Variants in PCYOX1 observed in about 807,000 individuals in gnomAD.
PCYOX1 encodes the protein prenylcysteine oxidase 1.
Under a neutral mutation model 46.4 loss-of-function variants are expected in PCYOX1, and 46 were observed. That is an observed-to-expected ratio of 0.99 (90% CI 0.78 to 1.27). PCYOX1 has a LOEUF of 1.27. PCYOX1 is among the 50% of genes most tolerant of loss of function. The pLI, the probability that PCYOX1 is intolerant of heterozygous loss-of-function variation, is 0.00. For missense variants in PCYOX1, 658 were observed against 628.3 expected (o/e 1.05, Z -0.51); for synonymous variants, 220 against 231.8 (o/e 0.95, Z 0.46).
intron 3 of PCYOX1, among the ~76,000 whole-genome samples, chr2:70,274,596 C>A (rs1237817397): frequency 7.0e-6 from 1 of 142,232 alleles, no homozygotes; most frequent in Admixed American, 7.3e-5. Flanking sequence ...GACACTGTCA[C>A]TGTCTGGCCC....
intron 3 of PCYOX1, among the ~76,000 whole-genome samples, chr2:70,265,007 A>G (rs1696492161): frequency 6.6e-6 from 1 of 151,964 alleles, no homozygotes. Flanking sequence ...ACAGTAGTAA[A>G]CCATGACACT....
intron 2 of PCYOX1, 150 bp downstream of exon 2, chr2:70,259,716 T>A: frequency 1.5e-6 from 1 of 648,112 alleles, no homozygotes; most frequent in South Asian, 1.8e-5. Flanking sequence ...TAGTTGGTAC[T>A]GCCTGAGTTA....
In PCYOX1 at chr2:70,258,260, T is replaced by A. The variant is rs1337055401; in HGVS notation, c.96T>A (p.Ala32=). Reference sequence around the variant, plus strand: ...GCCCCGAGGGCGCCGAGCTGCGTGCTCCGCCAGATAAAATCGGTAGGCGAG... The same window carrying A: ...GCCCCGAGGGCGCCGAGCTGCGTGCACCGCCAGATAAAATCGGTAGGCGAG... ...CGCPEGAELR[A]PPDKIAIIGA... is the part of the protein sequence containing the mutation. The change falls in exon 1 of 6, where the codon GCT becomes GCA. Residue 32 remains alanine (A), a synonymous_variant. Coordinates refer to ENST00000433351, the MANE Select transcript of PCYOX1 (RefSeq NM_016297.4). The A allele has an allele frequency of 1.9e-6, 3 of 1,589,334 alleles. No individual in the cohort carries two copies. The highest frequency in any genetic ancestry group is 2.6e-6 in the Non-Finnish European group (3 of 1,173,852).
At chr2:70,271,126 G>GCAC (rs1696595154) in intron 3 of PCYOX1, among the ~76,000 whole-genome samples, 1 of 151,944 alleles carries the variant, frequency 6.6e-6, no homozygotes, top group South Asian at 2.1e-4. Flanking sequence ...GGAGTGCAGT[G>GCAC]GTGTGATCAC....
In PCYOX1 at chr2:70,277,410, T is replaced by TC. The variant is rs1226196334; in HGVS notation, c.*22dup. 7 of 1,558,558 alleles carry TC rather than the reference T, an allele frequency of 4.5e-6. No individual in the cohort carries two copies. In the African/African-American group the frequency reaches 9.5e-5, roughly 21 times the overall value. On this transcript the variant is annotated 3_prime_UTR_variant, in exon 6 of 6. Coordinates refer to ENST00000433351, the MANE Select transcript of PCYOX1 (RefSeq NM_016297.4). ...AACTATGAAGTGACACACTCCTTTT[T>TC]CCCCTCCTAGTTCCAAATGACTATC...
At chr2:70,274,208 T>C (rs1696636302) in intron 3 of PCYOX1, among the ~76,000 whole-genome samples, 1 of 150,370 alleles carries the variant, frequency 6.7e-6, no homozygotes, top group Non-Finnish European at 1.5e-5. Flanking sequence ...TTTTTTTTTT[T>C]TTTTTTTGAG....
At chr2:70,276,249 A>C (rs1243125208) in intron 5 of PCYOX1, among the ~76,000 whole-genome samples, 6 of 150,444 alleles carry the variant, frequency 4.0e-5, no homozygotes, top group Non-Finnish European at 7.4e-5. Context: ...GGCTCACTGC[A>C]AGCTCCGCCT....
rs141755592 is a variant in PCYOX1, at chr2:70,258,263, G to C, written c.99G>C (p.Pro33=). Residue 33 remains proline, a synonymous_variant, in exon 1 of 6, where the codon CCG becomes CCC. Transcript: ENST00000433351. The part of the protein sequence containing the change: ...GCPEGAELRA[P]PDKIAIIGAG... Reference sequence around the variant, plus strand: ...CCGAGGGCGCCGAGCTGCGTGCTCCGCCAGATAAAATCGGTAGGCGAGAAG... The same window carrying C: ...CCGAGGGCGCCGAGCTGCGTGCTCCCCCAGATAAAATCGGTAGGCGAGAAG... The C allele has an allele frequency of 2.5e-6, 4 of 1,588,028 alleles. No individual in the cohort carries two copies. Among genetic ancestry groups the C allele is most frequent in the Non-Finnish European group, 3.4e-6 (4 of 1,173,302 alleles).
chr2:70,269,916 G>T (rs1261470987), intron 3 of PCYOX1, among the ~76,000 whole-genome samples: 1 of 152,180 alleles, frequency 6.6e-6, no homozygotes, highest in Non-Finnish European at 1.5e-5. Context: ...CTCTCCAGTG[G>T]CTTCTAGCTT....
At chr2:70,276,098 TAAAAAAAAAA>T (rs568163191) in intron 5 of PCYOX1, among the ~76,000 whole-genome samples, 3 of 105,450 alleles carry the variant, frequency 2.8e-5, no homozygotes, top group African/African-American at 8.0e-5. Flanking sequence ...AGACTCCATC[TAAAAAAAAAA>T]AAAAAAAAAA....
chr2:70,257,916 T>C (rs915064840), upstream of PCYOX1: 7 of 355,938 alleles, frequency 2.0e-5, no homozygotes, highest in African/African-American at 1.5e-4. Flanking sequence ...GCTTCTGCCT[T>C]CGATGTCTTC....
In PCYOX1 at chr2:70,278,382, T is replaced by TAGAAGTCGTA. The variant is rs1408769599; in HGVS notation, c.*997_*998insGTAAGAAGTC. On this transcript the variant is annotated 3_prime_UTR_variant, in exon 6 of 6. Coordinates refer to ENST00000433351, the MANE Select transcript of PCYOX1 (RefSeq NM_016297.4). ...ATGCCTACAAAGGGTTTTAGTGCCT[T>TAGAAGTCGTA]AGAAGTCCTAAGAAGCCCAATCTGT... 1 of 152,660 alleles carries TAGAAGTCGTA rather than the reference T, an allele frequency of 6.6e-6. No individual in the cohort carries two copies. Among genetic ancestry groups the TAGAAGTCGTA allele is most frequent in the Non-Finnish European group, 1.5e-5 (1 of 68,056 alleles). The allele number at this position is 152,660 out of a possible 1,614,324, so 9.5% of individuals were successfully genotyped here.
At chr2:70,273,077 C>G (rs1420814730) in intron 3 of PCYOX1, among the ~76,000 whole-genome samples, 1 of 152,196 alleles carries the variant, frequency 6.6e-6, no homozygotes, top group African/African-American at 2.4e-5. Flanking sequence ...ATAGTTTCAT[C>G]TCACCGCTGC....
chr2:70,268,735 G>A (rs972671444), intron 3 of PCYOX1, among the ~76,000 whole-genome samples: 3 of 151,782 alleles, frequency 2.0e-5, no homozygotes, highest in African/African-American at 4.8e-5. Flanking sequence ...GGGCGGCAGA[G>A]GTTGCAGTGA....
chr2:70,261,081 A>G (rs745826834), intron 2 of PCYOX1, 131 bp from the exon 3 acceptor site: 8 of 591,614 alleles, frequency 1.4e-5, no homozygotes, highest in Middle Eastern at 3.1e-4. Context: ...AGTGTTTCAC[A>G]CTGTTCCAAA....
chr2:70,268,377 T>C (rs1376062054), intron 3 of PCYOX1, among the ~76,000 whole-genome samples: 4 of 152,124 alleles, frequency 2.6e-5, no homozygotes, highest in African/African-American at 7.2e-5. Flanking sequence ...TGTGCTCTCA[T>C]CCCTTACTTT....
intron 3 of PCYOX1, among the ~76,000 whole-genome samples, chr2:70,265,401 A>G (rs1372124020): frequency 6.6e-6 from 1 of 151,830 alleles, no homozygotes; most frequent in East Asian, 1.9e-4. Flanking sequence ...ATGTTGCCCA[A>G]GCTGATCTTG....
chr2:70,260,775 GTGCCTCAGC>G (rs1332039570), intron 2 of PCYOX1, among the ~76,000 whole-genome samples: 1 of 152,198 alleles, frequency 6.6e-6, no homozygotes, highest in African/African-American at 2.4e-5. Flanking sequence ...AGGAATGGAA[GTGCCTCAGC>G]TGCCTTCCAC....
intron 5 of PCYOX1, 116 bp downstream of exon 5, chr2:70,275,782 G>A (rs911982031): frequency 1.0e-6 from 1 of 993,214 alleles, no homozygotes; most frequent in Admixed American, 2.2e-5. Context: ...ACTTGAAATT[G>A]TATATATTGT....
Sources: gnomAD v4.1 joint callset for allele counts (sites outside exome capture counted in the v4.1 genomes callset) on GRCh38, gnomAD v4.1.1 for gene constraint, MANE v1.5 for transcripts, NCBI Gene and HGNC (gene_info 2026-07-23, HGNC 2026-07-21) for gene names.